PCDH15: variants seen among roughly 807,000 people sequenced by gnomAD.
PCDH15 encodes the protein protocadherin related 15.
In PCDH15, 129 loss-of-function variants were observed where a neutral mutation model predicts 178.5. The ratio of observed to expected loss-of-function variants is 0.72; its 90% CI spans 0.63 to 0.84. PCDH15 has a LOEUF of 0.84. Ranked by LOEUF, PCDH15 falls within the 40% of genes least tolerant of loss-of-function variation. The probability of loss-of-function intolerance (pLI) is 0.00; values close to 1 mark genes in which losing one functional copy is unlikely to be tolerated. For missense variants in PCDH15, 2,230 were observed against 2,099.9 expected (o/e 1.06, Z -1.21); for synonymous variants, 800 against 732.0 (o/e 1.09, Z -1.50).
chr10:53,991,662 CTG>C (rs2091493539), intron 21 of PCDH15, among the ~76,000 whole-genome samples: 1 of 151,922 alleles, frequency 6.6e-6, no homozygotes, highest in Non-Finnish European at 1.5e-5. Flanking sequence ...AGTCGGCACT[CTG>C]TGTCTAGCTC....
intron 25 of PCDH15, among the ~76,000 whole-genome samples, chr10:53,915,874 T>C (rs1245594790): frequency 6.6e-6 from 1 of 152,088 alleles, no homozygotes; most frequent in Non-Finnish European, 1.5e-5. Context: ...GTATAATATA[T>C]AATACTTGAT....
chr10:53,866,994 T>C (rs1300658916), intron 26 of PCDH15, 137 bp from the exon 27 acceptor site: 7 of 651,766 alleles, frequency 1.1e-5, no homozygotes, highest in Non-Finnish European at 1.9e-5. Context: ...ATGTCTGTTT[T>C]TTCTGGATAT....
chr10:55,115,244 T>C (rs1384386410), intron 2 of PCDH15, among the ~76,000 whole-genome samples: 1 of 152,170 alleles, frequency 6.6e-6, no homozygotes, highest in African/African-American at 2.4e-5. Flanking sequence ...TCTAAACCAT[T>C]ATTTGCCTTA....
chr10:54,573,418 T>C (rs1465766847), intron 2 of PCDH15, among the ~76,000 whole-genome samples: 2 of 152,168 alleles, frequency 1.3e-5, no homozygotes, highest in Non-Finnish European at 2.9e-5. Flanking sequence ...GAAAATAAGA[T>C]TAGGTAGCAT....
chr10:54,745,025 C>A (rs551237584), intron 1 of PCDH15, among the ~76,000 whole-genome samples: 2 of 151,768 alleles, frequency 1.3e-5, no homozygotes, highest in African/African-American at 2.4e-5. Flanking sequence ...ATATTTCATG[C>A]GTAACATATA....
At chr10:54,524,176 T>C (rs987427657) in intron 3 of PCDH15, among the ~76,000 whole-genome samples, 1 of 152,198 alleles carries the variant, frequency 6.6e-6, no homozygotes, top group Non-Finnish European at 1.5e-5. Context: ...TTGGTTGATG[T>C]TGCTTTCAAA....
chr10:54,140,660 G>T (rs560090563), intron 14 of PCDH15, among the ~76,000 whole-genome samples: 12 of 150,964 alleles, frequency 7.9e-5, no homozygotes, highest in Admixed American at 6.6e-4. Context: ...GTAGAGATGG[G>T]GCTTCACCAT....
intron 1 of PCDH15, among the ~76,000 whole-genome samples, chr10:54,783,939 G>T (rs1327649131): frequency 1.3e-5 from 2 of 152,098 alleles, no homozygotes; most frequent in African/African-American, 4.8e-5. Context: ...AGTTCAGCCT[G>T]GCTAGGGAGG....
At chr10:53,817,035 A>T (rs2076083162) in intron 34 of PCDH15, among the ~76,000 whole-genome samples, 9 of 152,206 alleles carry the variant, frequency 5.9e-5, no homozygotes, top group Admixed American at 5.9e-4. Flanking sequence ...CAGCATATTA[A>T]ACTAAGTATT....
At chr10:53,954,537 A>G (rs924515356) in intron 23 of PCDH15, among the ~76,000 whole-genome samples, 1 of 152,228 alleles carries the variant, frequency 6.6e-6, no homozygotes, top group African/African-American at 2.4e-5. Flanking sequence ...TTCAGCTCAT[A>G]ACTCAAATTT....
intron 26 of PCDH15, among the ~76,000 whole-genome samples, chr10:53,877,545 C>T (rs1289924857): frequency 1.3e-5 from 2 of 152,258 alleles, no homozygotes; most frequent in African/African-American, 2.4e-5. Flanking sequence ...AATTAAATAA[C>T]ATACTTGTTA....
chr10:53,843,543 T>C (rs1401879136), intron 28 of PCDH15, among the ~76,000 whole-genome samples: 1 of 152,018 alleles, frequency 6.6e-6, no homozygotes, highest in African/African-American at 2.4e-5. Context: ...TGCTTAGAGC[T>C]GGATGGTATG....
intron 8 of PCDH15, among the ~76,000 whole-genome samples, chr10:54,313,933 T>G (rs2133558916): frequency 6.6e-6 from 1 of 152,214 alleles, no homozygotes; most frequent in African/African-American, 2.4e-5. Context: ...CTTCCTTTAC[T>G]TTCCTCAATG....
chr10:55,165,384 T>C (rs12573376), intron 2 of PCDH15, among the ~76,000 whole-genome samples: 20,179 of 151,806 alleles, frequency 0.13, 1,445 homozygotes, highest in East Asian at 0.25. Flanking sequence ...ATGTCTTAGG[T>C]ACGCAGAGAA....
intron 14 of PCDH15, among the ~76,000 whole-genome samples, chr10:54,143,680 T>C (rs1456093522): frequency 1.3e-5 from 2 of 152,196 alleles, no homozygotes; most frequent in Non-Finnish European, 2.9e-5. Flanking sequence ...CTGATTTTTT[T>C]GTTTTGTTTT....
intron 2 of PCDH15, among the ~76,000 whole-genome samples, chr10:55,022,887 AT>A (rs560092245): frequency 2.8e-3 from 387 of 137,024 alleles, no homozygotes; most frequent in African/African-American, 0.01. Context: ...AATGAATTTT[AT>A]TTTTCAAGGC....
At chr10:55,116,896 C>T (rs1837640865) in intron 2 of PCDH15, among the ~76,000 whole-genome samples, 1 of 152,176 alleles carries the variant, frequency 6.6e-6, no homozygotes, top group South Asian at 2.1e-4. Context: ...ATGCCCTAAT[C>T]TCTGAAGACA....
chr10:54,871,668 G>T (rs1044974375), intron 3 of PCDH15, among the ~76,000 whole-genome samples: 1 of 151,686 alleles, frequency 6.6e-6, no homozygotes, highest in African/African-American at 2.4e-5. Context: ...TATTAGGTTA[G>T]GTTGATTTTT....
chr10:54,401,008 G>T (rs1310045442), intron 3 of PCDH15, among the ~76,000 whole-genome samples: 1 of 151,922 alleles, frequency 6.6e-6, no homozygotes, highest in Non-Finnish European at 1.5e-5. Flanking sequence ...AAAGTATTCA[G>T]TAATTTTAAA....
Sources: allele counts gnomAD v4.1 joint callset (sites outside exome capture counted in the v4.1 genomes callset), GRCh38; gene constraint gnomAD v4.1.1; transcripts MANE v1.5; gene names NCBI Gene and HGNC (gene_info 2026-07-23, HGNC 2026-07-21).